PCDHGB2: variants seen among roughly 807,000 people sequenced by gnomAD.
PCDHGB2 encodes protocadherin gamma subfamily B, 2, also known as protocadherin gamma-B2.
Under a neutral mutation model 59.3 loss-of-function variants are expected in PCDHGB2, and 55 were observed. The ratio of observed to expected loss-of-function variants is 0.93; its 90% confidence interval spans 0.75 to 1.16. PCDHGB2 has a LOEUF of 1.16. PCDHGB2 is among the 50% of genes most tolerant of loss of function. The pLI is 0.00. For synonymous variants in PCDHGB2, 516 were observed against 512.0 expected (o/e 1.01, Z -0.11); for missense variants, 1,228 against 1,198.5 (o/e 1.02, Z -0.36).
Position 141,360,387 on chromosome 5 carries a change from A to G in PCDHGB2, c.252A>G (p.Leu84=), listed in dbSNP as rs1217376856. 6.2e-7 allele frequency: 1 copy of G among 1,613,944 alleles called. No individual in the cohort carries two copies. The highest frequency in any genetic ancestry group is 2.2e-5 in the East Asian group (1 of 44,870). ...YFTVNPESGD[L]LVSDRIDREQ... ...CAGTAAACCCAGAAAGCGGAGACTT[A>G]CTTGTGAGTGACAGAATAGACCGAG... The change falls in exon 1 of 4, where the codon TTA becomes TTG. Residue 84 remains leucine, a synonymous_variant. Transcript: ENST00000522605.
chr5:141,405,185 G>C (rs777099869), intron 1 of PCDHGB2: 4 of 1,613,066 alleles, frequency 2.5e-6, no homozygotes, highest in Non-Finnish European at 3.4e-6. Context: ...GGGTGTAGAT[G>C]GGGTTCGAGC....
chr5:141,419,275 G>T (rs777238100), intron 1 of PCDHGB2: 35 of 1,613,856 alleles, frequency 2.2e-5, no homozygotes, highest in Non-Finnish European at 2.9e-5. Flanking sequence ...CCTCCATAGC[G>T]CAAGTCAGTG....
intron 1 of PCDHGB2, 122 bp downstream of exon 1, chr5:141,362,678 T>C: frequency 8.3e-7 from 1 of 1,209,742 alleles, no homozygotes; most frequent in Admixed American, 2.9e-5. Flanking sequence ...GCCTTAATTG[T>C]CTTAATCTTA....
intron 1 of PCDHGB2, chr5:141,385,164 T>A (rs758100484): frequency 9.3e-6 from 15 of 1,614,168 alleles, no homozygotes; most frequent in Non-Finnish European, 1.3e-5. Flanking sequence ...CCTATTCCCA[T>A]GAGGTCTCCC....
In PCDHGB2 at chr5:141,366,520, C is replaced by T. The variant is rs2149895012; in HGVS notation, c.2421+3964C>T. ...CACGCCTGCTTCAGGCTGAAGGCAG[C>T]AGGTTGGCGGGTGTGCCCGCCTCGC... On this transcript the variant is annotated intron_variant, in intron 1 of 3. Coordinates refer to ENST00000522605, the MANE Select transcript of PCDHGB2 (RefSeq NM_018923.3). 3 of 1,614,278 alleles carry T rather than the reference C, an allele frequency of 1.9e-6. No individual in the cohort carries two copies. The East Asian group carries it at 6.7e-5, about 36-fold the overall frequency.
At position 141,361,375 on chromosome 5, in the gene PCDHGB2, G is replaced by A. The variant is rs267600451; in HGVS notation, c.1240G>A (p.Glu414Lys). The A allele has an allele frequency of 1.4e-5, 23 of 1,613,956 alleles. No homozygotes were observed. The highest frequency in any genetic ancestry group is 1.3e-4 in the South Asian group (12 of 91,088). ...LVTDGALDRE[E>K]IPEYNLTITA... Reference sequence around the variant, plus strand: ...GACAGACGGCGCTCTGGACCGGGAGGAGATCCCAGAATACAATCTCACCAT... The same window carrying A: ...GACAGACGGCGCTCTGGACCGGGAGAAGATCCCAGAATACAATCTCACCAT... The change falls in exon 1 of 4, where the codon GAG becomes AAG. Residue 414 changes from glutamate (E) to lysine (K), a missense_variant. Physicochemically the swap from Glu to Lys is moderately conservative, Grantham distance 56. Transcript: ENST00000522605.
At chr5:141,465,742 A>G (rs1425097489) in intron 1 of PCDHGB2, among the ~76,000 whole-genome samples, 1 of 151,214 alleles carries the variant, frequency 6.6e-6, no homozygotes, top group Non-Finnish European at 1.5e-5. Flanking sequence ...TGTTTTCAGG[A>G]TCAGACTGGT....
intron 1 of PCDHGB2, chr5:141,365,447 G>T (rs931548015): frequency 6.2e-7 from 1 of 1,614,034 alleles, no homozygotes; most frequent in Middle Eastern, 1.6e-4. Context: ...TAGCGTACAT[G>T]ATGGTGATTC....
intron 1 of PCDHGB2, chr5:141,399,330 A>G: frequency 6.2e-7 from 1 of 1,613,994 alleles, no homozygotes; most frequent in South Asian, 1.1e-5. Flanking sequence ...ATAAGTTGGT[A>G]ACAGATGGAA....
At chr5:141,498,971 G>GGGAGGGAAGGAAGGAA (rs2099787588) in intron 2 of PCDHGB2, among the ~76,000 whole-genome samples, 1 of 110,970 alleles carries the variant, frequency 9.0e-6, no homozygotes, top group African/African-American at 3.6e-5. Flanking sequence ...GAGGGAGGGA[G>GGGAGGGAAGGAAGGAA]GGAAGGAAGG....
intron 1 of PCDHGB2, chr5:141,377,207 A>G (rs1170353646): frequency 6.6e-6 from 1 of 152,122 alleles, no homozygotes; most frequent in Non-Finnish European, 1.5e-5. Context: ...GATTGAGTAC[A>G]TCTCGTTTCT....
At chr5:141,408,177 G>C (rs1359754385) in intron 1 of PCDHGB2, 3 of 1,534,464 alleles carry the variant, frequency 2.0e-6, no homozygotes, top group Non-Finnish European at 2.6e-6. Context: ...GGAAAAGCGG[G>C]GACCCAGCGA....
intron 1 of PCDHGB2, chr5:141,478,229 T>C: frequency 6.2e-7 from 1 of 1,614,074 alleles, no homozygotes; most frequent in Non-Finnish European, 8.5e-7. Flanking sequence ...TTCTGTGGGG[T>C]TTGTGGTCAC....
intron 1 of PCDHGB2, chr5:141,412,431 G>GTTAA (rs1478574285): frequency 6.6e-6 from 1 of 152,132 alleles, no homozygotes; most frequent in African/African-American, 2.4e-5. Context: ...ACACAAAAAG[G>GTTAA]TTAATTAAGG....
At chr5:141,405,830 G>A (rs1214599375) in intron 1 of PCDHGB2, among the ~76,000 whole-genome samples, 3 of 152,148 alleles carry the variant, frequency 2.0e-5, no homozygotes, top group East Asian at 1.9e-4. Flanking sequence ...ACTTAAGGTA[G>A]TATAAGTTGA....
At position 141,448,695 on chromosome 5, in the gene PCDHGB2, C is replaced by T. The variant is rs535473305; in HGVS notation, c.2422-46112C>T. 2.7e-4 allele frequency among the ~76,000 whole-genome samples: 41 copies of T among 152,246 alleles called. No homozygotes were observed. In the South Asian group the frequency reaches 8.5e-3, roughly 32 times the overall value. On this transcript the variant is annotated intron_variant, in intron 1 of 3. Coordinates refer to ENST00000522605, the MANE Select transcript of PCDHGB2 (RefSeq NM_018923.3). Reference sequence around the variant, plus strand: ...GTGGCTCACGCCTGTAATCGCAGCACTTTGGGAGGCCGAGGCGGGAGGATC... The same window carrying T: ...GTGGCTCACGCCTGTAATCGCAGCATTTTGGGAGGCCGAGGCGGGAGGATC...
At chr5:141,376,267 G>A (rs1021502624) in intron 1 of PCDHGB2, 6 of 1,614,210 alleles carry the variant, frequency 3.7e-6, no homozygotes, top group Non-Finnish European at 5.1e-6. Context: ...TGCAGGCTTC[G>A]GGAGGTGGCT....
chr5:141,373,547 T>C (rs1363440300), intron 1 of PCDHGB2, among the ~76,000 whole-genome samples: 2 of 152,240 alleles, frequency 1.3e-5, no homozygotes, highest in African/African-American at 4.8e-5. Flanking sequence ...TGGTTGTTGG[T>C]ACCCTTACTG....
intron 1 of PCDHGB2, chr5:141,409,913 G>A: frequency 6.2e-7 from 1 of 1,613,334 alleles, no homozygotes; most frequent in South Asian, 1.1e-5. Flanking sequence ...GGGTCCTGAC[G>A]GCTCCGCGTT....
Sources: allele counts gnomAD v4.1 joint callset (sites outside exome capture counted in the v4.1 genomes callset), GRCh38; gene constraint gnomAD v4.1.1; transcripts MANE v1.5; gene names NCBI Gene and HGNC (gene_info 2026-07-23, HGNC 2026-07-21).